CDH12: variants seen among roughly 807,000 people sequenced by gnomAD.
The protein encoded by CDH12 is cadherin-12.
Under a neutral mutation model 74.1 loss-of-function variants are expected in CDH12, and 41 were observed. That is an observed-to-expected ratio of 0.55 (90% confidence interval 0.43 to 0.72). The LOEUF (loss-of-function observed/expected upper bound fraction) is 0.72. Among genes scored for constraint, CDH12 ranks in the 30% least tolerant of loss-of-function variants. CDH12 has a pLI of 0.00. For synonymous variants in CDH12, 399 were observed against 355.0 expected (o/e 1.12, Z -1.39); for missense variants, 945 against 977.2 (o/e 0.97, Z 0.44).
chr5:22,064,537 A>G (rs1486576400), intron 5 of CDH12, among the ~76,000 whole-genome samples: 3 of 152,156 alleles, frequency 2.0e-5, no homozygotes, highest in Admixed American at 1.3e-4. Context: ...AGACAGCACC[A>G]ATAGTCCTTG....
chr5:22,231,230 A>G (rs895079960), intron 3 of CDH12, among the ~76,000 whole-genome samples: 3 of 152,170 alleles, frequency 2.0e-5, no homozygotes, highest in Non-Finnish European at 2.9e-5. Context: ...CCAGTTTACA[A>G]TAGGGATTAT....
intron 1 of CDH12, among the ~76,000 whole-genome samples, chr5:22,842,772 G>T (rs913669740): frequency 3.9e-5 from 6 of 151,980 alleles, no homozygotes; most frequent in African/African-American, 9.7e-5. Flanking sequence ...GACTATGAGA[G>T]GTTTTAATAT....
intron 1 of CDH12, among the ~76,000 whole-genome samples, chr5:22,624,616 T>C (rs908240772): frequency 7.9e-5 from 12 of 152,078 alleles, no homozygotes; most frequent in Non-Finnish European, 1.8e-4. Context: ...CGAGATACCA[T>C]CTCACACCAG....
At chr5:21,959,881 G>A (rs2355277) in intron 6 of CDH12, among the ~76,000 whole-genome samples, 2 of 143,430 alleles carry the variant, frequency 1.4e-5, no homozygotes, top group Non-Finnish European at 3.0e-5. Context: ...AGCTGAGATT[G>A]TGCCACTGCA....
intron 5 of CDH12, among the ~76,000 whole-genome samples, chr5:22,073,124 T>G (rs1742070014): frequency 6.6e-6 from 1 of 152,166 alleles, no homozygotes; most frequent in Admixed American, 6.6e-5. Context: ...CTAGAGACCT[T>G]CATAGTTACA....
intron 1 of CDH12, among the ~76,000 whole-genome samples, chr5:22,780,112 A>G (rs1281654426): frequency 6.6e-6 from 1 of 152,192 alleles, no homozygotes; most frequent in Admixed American, 6.6e-5. Flanking sequence ...CTAGCCAGGC[A>G]CAGTGGCTCG....
At chr5:22,526,258 A>G (rs1220134653) in intron 1 of CDH12, among the ~76,000 whole-genome samples, 2 of 152,186 alleles carry the variant, frequency 1.3e-5, no homozygotes, top group African/African-American at 4.8e-5. Flanking sequence ...TGAAAGTTCA[A>G]TGTTGACTTA....
At chr5:22,688,261 A>G (rs576270030) in intron 1 of CDH12, among the ~76,000 whole-genome samples, 3 of 152,312 alleles carry the variant, frequency 2.0e-5, no homozygotes, top group South Asian at 2.1e-4. Flanking sequence ...CTTGGGAAAG[A>G]AAAATTGGGA....
At chr5:22,388,160 C>A (rs1742082210) in intron 3 of CDH12, among the ~76,000 whole-genome samples, 2 of 152,118 alleles carry the variant, frequency 1.3e-5, no homozygotes, top group East Asian at 3.9e-4. Flanking sequence ...TGAAAATATT[C>A]TTTTGTGAGT....
chr5:22,154,479 ATATGTACACATATATATG>A (rs1747874978), intron 4 of CDH12, among the ~76,000 whole-genome samples: 1 of 1,836 alleles, frequency 5.4e-4, no homozygotes, highest in Non-Finnish European at 2.0e-3. Context: ...GTACACATAT[ATATGTACACATATATATG>A]TACACATATA....
chr5:22,265,439 T>C (rs1382944814), intron 3 of CDH12, among the ~76,000 whole-genome samples: 1 of 152,184 alleles, frequency 6.6e-6, no homozygotes, highest in Non-Finnish European at 1.5e-5. Flanking sequence ...AATACTTAAC[T>C]ACTAGGCTTG....
At chr5:22,002,919 C>G (rs970029828) in intron 5 of CDH12, among the ~76,000 whole-genome samples, 1 of 151,994 alleles carries the variant, frequency 6.6e-6, no homozygotes, top group Non-Finnish European at 1.5e-5. Flanking sequence ...ACTGAGCACT[C>G]TAAGAGAAAG....
chr5:22,254,308 A>C (rs148020894), intron 3 of CDH12, among the ~76,000 whole-genome samples: 9 of 151,996 alleles, frequency 5.9e-5, no homozygotes, highest in African/African-American at 1.9e-4. Flanking sequence ...GTGGGGGATA[A>C]GAAATAGTAA....
At chr5:21,800,655 C>T (rs1747060816) in intron 10 of CDH12, among the ~76,000 whole-genome samples, 1 of 152,136 alleles carries the variant, frequency 6.6e-6, no homozygotes. Flanking sequence ...TTACTTAAGT[C>T]ATCCAGTGAT....
chr5:21,872,471 C>T (rs1377560630), intron 6 of CDH12, among the ~76,000 whole-genome samples: 1 of 152,142 alleles, frequency 6.6e-6, no homozygotes, highest in East Asian at 1.9e-4. Context: ...TATGGTGTTG[C>T]CTTCTTTATA....
chr5:22,030,068 A>C (rs1738703762), intron 5 of CDH12, among the ~76,000 whole-genome samples: 1 of 144,826 alleles, frequency 6.9e-6, no homozygotes, highest in Non-Finnish European at 1.5e-5. Flanking sequence ...AACAATGAGA[A>C]CACATGGACA....
At chr5:22,108,955 C>T (rs576976062) in intron 4 of CDH12, among the ~76,000 whole-genome samples, 5 of 152,198 alleles carry the variant, frequency 3.3e-5, no homozygotes, top group African/African-American at 7.2e-5. Context: ...TATTTTTATA[C>T]TTTACAATGC....
intron 1 of CDH12, among the ~76,000 whole-genome samples, chr5:22,648,064 A>T (rs1481720478): frequency 1.3e-5 from 2 of 151,848 alleles, no homozygotes; most frequent in Non-Finnish European, 2.9e-5. Flanking sequence ...TCACTTTGTT[A>T]TGATTTAGAG....
intron 1 of CDH12, among the ~76,000 whole-genome samples, chr5:22,531,343 T>G (rs1424160991): frequency 6.6e-6 from 1 of 152,170 alleles, no homozygotes; most frequent in East Asian, 1.9e-4. Flanking sequence ...GTCAGTGTTT[T>G]CCATGTTATG....
Sources: allele counts gnomAD v4.1 joint callset (sites outside exome capture counted in the v4.1 genomes callset), GRCh38; gene constraint gnomAD v4.1.1; transcripts MANE v1.5; gene names NCBI Gene and HGNC (gene_info 2026-07-23, HGNC 2026-07-21).